ZFAND3: variants seen among roughly 807,000 people sequenced by gnomAD.
ZFAND3 encodes the protein AN1-type zinc finger protein 3.
In ZFAND3, 10 loss-of-function variants were observed where a neutral mutation model predicts 29.6. The observed-to-expected ratio is 0.34, with a 90% confidence interval of 0.21 to 0.57. The LOEUF (loss-of-function observed/expected upper bound fraction) is 0.57, where lower values mean the gene tolerates loss of function less well. ZFAND3 is among the 20% of genes least tolerant of loss of function. ZFAND3 has a pLI of 0.86. For missense variants in ZFAND3, 230 were observed against 304.5 expected (o/e 0.76, Z 1.82); for synonymous variants, 128 against 112.6 (o/e 1.14, Z -0.87).
chr6:38,102,993 G>T (rs949632284), intron 4 of ZFAND3, among the ~76,000 whole-genome samples: 1 of 152,136 alleles, frequency 6.6e-6, no homozygotes, highest in Non-Finnish European at 1.5e-5. Flanking sequence ...CTGACCTCAG[G>T]TGATCCACCT....
chr6:37,945,726 A>G (rs186172871), intron 2 of ZFAND3, among the ~76,000 whole-genome samples: 34 of 152,226 alleles, frequency 2.2e-4, no homozygotes, highest in Admixed American at 9.8e-4. Context: ...GACACACCAT[A>G]TGGTTTAATC....
intron 2 of ZFAND3, among the ~76,000 whole-genome samples, chr6:38,008,134 A>G (rs1047342867): frequency 6.6e-6 from 1 of 152,196 alleles, no homozygotes; most frequent in East Asian, 1.9e-4. Flanking sequence ...TAACTTTCAC[A>G]TAGCCTTTGC....
chr6:37,892,432 A>T (rs1266443573), intron 1 of ZFAND3, among the ~76,000 whole-genome samples: 1 of 152,180 alleles, frequency 6.6e-6, no homozygotes, highest in Non-Finnish European at 1.5e-5. Flanking sequence ...GCTCTTAAAC[A>T]TTTTTTAAAA....
chr6:37,907,621 A>G (rs1045720042), intron 1 of ZFAND3, among the ~76,000 whole-genome samples: 3 of 152,070 alleles, frequency 2.0e-5, no homozygotes, highest in Non-Finnish European at 4.4e-5. Context: ...GTGTTTATTC[A>G]TTCACTAGTT....
At chr6:38,112,376 G>C (rs181456024) in intron 4 of ZFAND3, among the ~76,000 whole-genome samples, 103 of 152,324 alleles carry the variant, frequency 6.8e-4, no homozygotes, top group African/African-American at 2.3e-3. Flanking sequence ...ATGGTTTCCA[G>C]CTTGGCACGG....
At position 38,061,587 on chromosome 6, in the gene ZFAND3, C is replaced by G; in HGVS notation, c.113-6C>G. On this transcript the variant is annotated splice_region_variant and splice_polypyrimidine_tract_variant and intron_variant, in intron 2 of 5. Coordinates refer to ENST00000287218, the MANE Select transcript of ZFAND3 (RefSeq NM_021943.3). ...TTAATTAAGCTCGTTTTCTATTTTT[C>G]TTCAGATTTTCAAAAGAAACAGCCA... The G allele has an allele frequency of 6.2e-7, 1 of 1,613,806 alleles. No homozygotes were observed. Among genetic ancestry groups the G allele is most frequent in the Non-Finnish European group, 8.5e-7 (1 of 1,179,848 alleles).
At chr6:37,938,404 T>C (rs905609738) in intron 2 of ZFAND3, among the ~76,000 whole-genome samples, 19 of 152,240 alleles carry the variant, frequency 1.2e-4, no homozygotes, top group African/African-American at 4.3e-4. Flanking sequence ...TCACCTTCAT[T>C]ATAATGTGCC....
chr6:38,101,039 A>G (rs1421585759), intron 4 of ZFAND3, among the ~76,000 whole-genome samples: 18 of 152,198 alleles, frequency 1.2e-4, no homozygotes, highest in Non-Finnish European at 2.9e-5. Flanking sequence ...CTGATATAAC[A>G]TATAGTTGAG....
chr6:38,040,496 TCA>T (rs1470674854), intron 2 of ZFAND3, among the ~76,000 whole-genome samples: 1 of 152,214 alleles, frequency 6.6e-6, no homozygotes, highest in East Asian at 1.9e-4. Flanking sequence ...AGTGGACACT[TCA>T]GTTGCTTCCA....
intron 1 of ZFAND3, among the ~76,000 whole-genome samples, chr6:37,885,756 A>C (rs1472137712): frequency 6.6e-6 from 1 of 152,108 alleles, no homozygotes; most frequent in African/African-American, 2.4e-5. Context: ...TACTCCTTTA[A>C]AAGACAGCAC....
intron 1 of ZFAND3, among the ~76,000 whole-genome samples, chr6:37,855,310 A>G (rs1014140363): frequency 6.7e-6 from 1 of 149,304 alleles, no homozygotes; most frequent in African/African-American, 2.5e-5. Flanking sequence ...ATGCCTGGCT[A>G]ACTCTTTTTT....
At chr6:38,094,215 TGAG>T (rs1372429368) in intron 4 of ZFAND3, among the ~76,000 whole-genome samples, 2 of 152,040 alleles carry the variant, frequency 1.3e-5, no homozygotes, top group African/African-American at 2.4e-5. Flanking sequence ...TATTGTGGAC[TGAG>T]GAGGGAAGAT....
In ZFAND3 at chr6:37,845,854, C is replaced by T. The variant is rs112970127; in HGVS notation, c.71+25838C>T. ...GAGCTTAAAGTGAGCCTTAGCTTAT[C>T]CTTCATGATGTTTACCTTTTAGAGG... On this transcript the variant is annotated intron_variant, in intron 1 of 5. Transcript: ENST00000287218. Among the ~76,000 whole-genome samples, 73 of 152,318 alleles carry T rather than the reference C, an allele frequency of 4.8e-4. 1 individual carries two copies. The highest frequency in any genetic ancestry group is 9.9e-4 in the African/African-American group (41 of 41,556).
At chr6:37,865,970 T>C (rs139906647) in intron 1 of ZFAND3, among the ~76,000 whole-genome samples, 346 of 152,310 alleles carry the variant, frequency 2.3e-3, no homozygotes, top group Non-Finnish European at 4.1e-3. Context: ...ATGCCATATC[T>C]CTGGTGGCAA....
Position 37,930,009 on chromosome 6 carries a change from GA to G in ZFAND3, c.112+15del. 1.3e-6 allele frequency: 2 copies of G among 1,566,444 alleles called. No homozygotes were observed. Among genetic ancestry groups the G allele is most frequent in the Non-Finnish European group, 1.7e-6 (2 of 1,159,398 alleles). ...TCCAAATGCTTTGCTGGTAAGTGCA[GA>G]AAAAGGGTTTTTTAATTTACTTTCA... On this transcript the variant is annotated intron_variant, in intron 2 of 5. Coordinates refer to ENST00000287218, the MANE Select transcript of ZFAND3 (RefSeq NM_021943.3).
chr6:37,889,526 CAA>C (rs138651151), intron 1 of ZFAND3, among the ~76,000 whole-genome samples: 8 of 152,314 alleles, frequency 5.3e-5, no homozygotes, highest in Non-Finnish European at 1.0e-4. Context: ...GCCACACTGA[CAA>C]GAGAGGTCAG....
intron 1 of ZFAND3, among the ~76,000 whole-genome samples, chr6:37,924,540 T>C (rs758655586): frequency 6.6e-6 from 1 of 152,002 alleles, no homozygotes. Flanking sequence ...CTGATTTAAA[T>C]TGGGTGGTCA....
chr6:37,859,564 T>C (rs1764443152), intron 1 of ZFAND3, among the ~76,000 whole-genome samples: 1 of 152,192 alleles, frequency 6.6e-6, no homozygotes, highest in Non-Finnish European at 1.5e-5. Context: ...TCATATCTTA[T>C]GGTCATGAGC....
At chr6:37,984,444 T>A (rs1405589701) in intron 2 of ZFAND3, among the ~76,000 whole-genome samples, 1 of 152,212 alleles carries the variant, frequency 6.6e-6, no homozygotes, top group African/African-American at 2.4e-5. Context: ...AGATGTGCAG[T>A]CTTAGCTTTC....
Sources: gnomAD v4.1 joint callset for allele counts (sites outside exome capture counted in the v4.1 genomes callset) on GRCh38, gnomAD v4.1.1 for gene constraint, MANE v1.5 for transcripts, NCBI Gene and HGNC (gene_info 2026-07-23, HGNC 2026-07-21) for gene names.